The following IGF2BP3 variants were observed in gnomAD, a reference collection of about 807,000 sequenced individuals.
IGF2BP3 encodes insulin-like growth factor 2 mRNA-binding protein 3.
In IGF2BP3, 9 loss-of-function variants were observed where a neutral mutation model predicts 73.8. The observed-to-expected ratio is 0.12, with a 90% CI of 0.07 to 0.21. IGF2BP3 has a LOEUF of 0.21. Ranked by LOEUF, IGF2BP3 falls within the 10% of genes least tolerant of loss-of-function variation. The pLI is 1.00. For missense variants in IGF2BP3, 542 were observed against 714.0 expected (o/e 0.76, Z 2.75); for synonymous variants, 258 against 256.7 (o/e 1.01, Z -0.05).
At chr7:23,449,272 C>T (rs1223820141) in intron 2 of IGF2BP3, among the ~76,000 whole-genome samples, 3 of 152,026 alleles carry the variant, frequency 2.0e-5, no homozygotes, top group Non-Finnish European at 1.5e-5. Flanking sequence ...AATCCCAGCA[C>T]TTTGGGAGAC....
chr7:23,405,541 G>C (rs1786799843), intron 3 of IGF2BP3, among the ~76,000 whole-genome samples: 1 of 152,200 alleles, frequency 6.6e-6, no homozygotes, highest in Admixed American at 6.5e-5. Flanking sequence ...AGGGGAACCG[G>C]GCCGCACAGC....
At chr7:23,352,404 T>C (rs569675727) in intron 5 of IGF2BP3, among the ~76,000 whole-genome samples, 2 of 148,118 alleles carry the variant, frequency 1.4e-5, no homozygotes, top group Admixed American at 6.9e-5. Flanking sequence ...TTCTTGTGCC[T>C]CAGCCTCCCA....
At chr7:23,417,293 ATG>A (rs1268781209) in intron 3 of IGF2BP3, among the ~76,000 whole-genome samples, 5 of 152,204 alleles carry the variant, frequency 3.3e-5, no homozygotes, top group African/African-American at 1.2e-4. Flanking sequence ...ACGATTCAGT[ATG>A]TGCTCTTGCT....
chr7:23,316,013 C>G (rs975294690), intron 12 of IGF2BP3, among the ~76,000 whole-genome samples: 3 of 152,110 alleles, frequency 2.0e-5, no homozygotes, highest in African/African-American at 4.8e-5. Context: ...AGCTCAGCAC[C>G]AAGGAAAGAC....
intron 3 of IGF2BP3, among the ~76,000 whole-genome samples, chr7:23,411,851 C>T (rs975896002): frequency 1.3e-5 from 2 of 152,136 alleles, no homozygotes; most frequent in Non-Finnish European, 2.9e-5. Context: ...CGTTCATCCA[C>T]GGCTTACAGT....
chr7:23,447,674 T>C (rs1314490021), intron 2 of IGF2BP3, among the ~76,000 whole-genome samples: 1 of 151,508 alleles, frequency 6.6e-6, no homozygotes, highest in Non-Finnish European at 1.5e-5. Flanking sequence ...CTGTCCCAGA[T>C]TAAAAGAGAC....
At chr7:23,333,479 G>A (rs1356239213) in intron 10 of IGF2BP3, among the ~76,000 whole-genome samples, 1 of 152,164 alleles carries the variant, frequency 6.6e-6, no homozygotes, top group Non-Finnish European at 1.5e-5. Context: ...TAGTGATGAA[G>A]GGCTGTCCAT....
chr7:23,397,694 C>G (rs374152859), intron 3 of IGF2BP3, among the ~76,000 whole-genome samples: 1 of 152,172 alleles, frequency 6.6e-6, no homozygotes, highest in Non-Finnish European at 1.5e-5. Flanking sequence ...ATGTATTTCA[C>G]CACTGAGTAT....
At chr7:23,393,552 G>C (rs1786352583) in intron 3 of IGF2BP3, among the ~76,000 whole-genome samples, 1 of 152,198 alleles carries the variant, frequency 6.6e-6, no homozygotes, top group Non-Finnish European at 1.5e-5. Flanking sequence ...AACAGGCTGA[G>C]AGGGGTCAGT....
chr7:23,339,534 T>C (rs1784656551), intron 10 of IGF2BP3, among the ~76,000 whole-genome samples: 1 of 152,228 alleles, frequency 6.6e-6, no homozygotes, highest in African/African-American at 2.4e-5. Flanking sequence ...GAAGCATCCA[T>C]GTAAGTGTAA....
At chr7:23,435,987 C>G (rs1787800583) in intron 2 of IGF2BP3, among the ~76,000 whole-genome samples, 2 of 150,976 alleles carry the variant, frequency 1.3e-5, no homozygotes, top group South Asian at 2.1e-4. Context: ...GAATTCCTGA[C>G]CGCAAGTGAT....
intron 2 of IGF2BP3, among the ~76,000 whole-genome samples, chr7:23,464,545 A>G (rs1039170685): frequency 2.0e-5 from 3 of 152,036 alleles, no homozygotes; most frequent in African/African-American, 7.2e-5. Flanking sequence ...TTAGCCAGGC[A>G]TGGTGGCGCA....
chr7:23,467,059 T>A (rs1250046410), intron 2 of IGF2BP3, among the ~76,000 whole-genome samples: 2 of 152,212 alleles, frequency 1.3e-5, no homozygotes, highest in Non-Finnish European at 2.9e-5. Flanking sequence ...CGATTTTCAA[T>A]TCTTGTTAAA....
intron 3 of IGF2BP3, among the ~76,000 whole-genome samples, chr7:23,369,782 C>A (rs1031501888): frequency 3.1e-4 from 47 of 151,986 alleles, no homozygotes; most frequent in Non-Finnish European, 4.9e-4. Context: ...CAGCCACATA[C>A]CAGATATATC....
At chr7:23,441,254 A>C (rs2128545088) in intron 2 of IGF2BP3, among the ~76,000 whole-genome samples, 1 of 152,218 alleles carries the variant, frequency 6.6e-6, no homozygotes. Flanking sequence ...CAATATAGTG[A>C]GATCACATCT....
intron 14 of IGF2BP3, 133 bp downstream of exon 14, chr7:23,312,602 A>G: frequency 1.1e-6 from 1 of 883,144 alleles, no homozygotes; most frequent in South Asian, 1.4e-5. Flanking sequence ...AGTCTCTGAA[A>G]TCACCCGCTA....
intron 3 of IGF2BP3, among the ~76,000 whole-genome samples, chr7:23,407,020 G>A (rs899374950): frequency 1.3e-5 from 2 of 151,962 alleles, no homozygotes; most frequent in Non-Finnish European, 2.9e-5. Flanking sequence ...CAATAAAACA[G>A]ATAAAGCTCT....
chr7:23,468,569 T>C (rs772311691), intron 1 of IGF2BP3, 27 bp from the exon 2 acceptor site: 1 of 1,612,432 alleles, frequency 6.2e-7, no homozygotes, highest in Non-Finnish European at 8.5e-7. Context: ...AGTGAGACGG[T>C]CGGCCGAGTT....
At chr7:23,408,813 T>G (rs751954068) in intron 3 of IGF2BP3, among the ~76,000 whole-genome samples, 6 of 152,236 alleles carry the variant, frequency 3.9e-5, no homozygotes, top group Middle Eastern at 3.4e-3. Flanking sequence ...CATATGCCCA[T>G]GGACAGAAGA....
Sources: allele counts gnomAD v4.1 joint callset (sites outside exome capture counted in the v4.1 genomes callset), GRCh38; gene constraint gnomAD v4.1.1; transcripts MANE v1.5; gene names NCBI Gene and HGNC (gene_info 2026-07-23, HGNC 2026-07-21).